Variants in AFAP1L2 observed in about 807,000 individuals in gnomAD.
AFAP1L2 encodes the protein actin filament associated protein 1 like 2.
A neutral mutation model predicts 99.3 loss-of-function variants in AFAP1L2; 46 were observed. That is an observed-to-expected ratio of 0.46 (90% CI 0.37 to 0.59). The LOEUF is 0.59. AFAP1L2 is among the 20% of genes least tolerant of loss of function. The pLI is 0.00. For missense variants in AFAP1L2, 959 were observed against 1,034.9 expected (o/e 0.93, Z 1.01); for synonymous variants, 397 against 419.1 (o/e 0.95, Z 0.64).
At chr10:114,310,921 A>G (rs1327961720) in intron 7 of AFAP1L2, among the ~76,000 whole-genome samples, 2 of 151,314 alleles carry the variant, frequency 1.3e-5, no homozygotes, top group Non-Finnish European at 2.9e-5. Flanking sequence ...CCTTGTTCCA[A>G]CCACCCTCTG....
chr10:114,382,380 T>C (rs2055760711), intron 1 of AFAP1L2, among the ~76,000 whole-genome samples: 1 of 152,072 alleles, frequency 6.6e-6, no homozygotes, highest in Non-Finnish European at 1.5e-5. Context: ...AGGTCCACCC[T>C]CACTTACATG....
chr10:114,302,621 T>G (rs973858145), intron 11 of AFAP1L2, 137 bp from the exon 12 acceptor site: 7 of 1,065,714 alleles, frequency 6.6e-6, no homozygotes, highest in East Asian at 2.5e-5. Flanking sequence ...GGGCTGTGCT[T>G]CTCCTGTTCA....
intron 1 of AFAP1L2, among the ~76,000 whole-genome samples, chr10:114,355,719 C>A (rs1402891876): frequency 1.3e-5 from 2 of 152,070 alleles, no homozygotes; most frequent in African/African-American, 4.8e-5. Flanking sequence ...TACCTGTAAC[C>A]CCAGCACTTT....
Position 114,298,246 on chromosome 10 carries a change from C to T in AFAP1L2, c.2114-833G>A, listed in dbSNP as rs562926942. On this transcript the variant is annotated intron_variant, in intron 16 of 18. Transcript: ENST00000304129. Reference sequence around the variant, plus strand: ...TACAAAAATTAGCTGGACATGGTGGCGGATGCCTGTAATCCCAGCTACTCA... The same window carrying T: ...TACAAAAATTAGCTGGACATGGTGGTGGATGCCTGTAATCCCAGCTACTCA... 9.2e-5 allele frequency among the ~76,000 whole-genome samples: 14 copies of T among 152,128 alleles called. No homozygotes were observed. In the South Asian group the frequency reaches 1.9e-3, roughly 20 times the overall value.
chr10:114,393,511 A>C (rs941542514), intron 1 of AFAP1L2: 1 of 152,142 alleles, frequency 6.6e-6, no homozygotes, highest in Admixed American at 6.5e-5. Flanking sequence ...AAAAATCCAC[A>C]TGCTAAGGGC....
At chr10:114,318,439 A>T (rs150260350) in intron 5 of AFAP1L2, among the ~76,000 whole-genome samples, 1 of 152,162 alleles carries the variant, frequency 6.6e-6, no homozygotes, top group East Asian at 1.9e-4. Flanking sequence ...GAAAGAAAAA[A>T]CATTGAGAAA....
intron 13 of AFAP1L2, among the ~76,000 whole-genome samples, chr10:114,301,052 A>T (rs575396218): frequency 3.9e-5 from 6 of 152,258 alleles, no homozygotes; most frequent in Non-Finnish European, 2.9e-5. Flanking sequence ...TCAACAACCG[A>T]TTTGGACCTG....
At chr10:114,344,239 C>T (rs1053383184) in intron 1 of AFAP1L2, among the ~76,000 whole-genome samples, 1 of 152,172 alleles carries the variant, frequency 6.6e-6, no homozygotes, top group Non-Finnish European at 1.5e-5. Flanking sequence ...CATGAGTTTC[C>T]TGTCGGCCCC....
the AFAP1L2 span, chr10:114,286,633 C>A: frequency 1.3e-6 from 1 of 768,994 alleles, no homozygotes; most frequent in Non-Finnish European, 2.0e-6. Context: ...CACAGCCCCA[C>A]TCTTTCAGGC....
intron 4 of AFAP1L2, among the ~76,000 whole-genome samples, chr10:114,324,064 G>A (rs1042892552): frequency 5.9e-5 from 9 of 152,230 alleles, no homozygotes; most frequent in Non-Finnish European, 1.0e-4. Context: ...AGCACAGAAC[G>A]TGAAATCATT....
rs1194782913 is a variant in AFAP1L2, at chr10:114,302,621, TCTC to T, written c.1285-140_1285-138del. 1.1e-5 allele frequency: 12 copies of T among 1,065,832 alleles called. No individual in the cohort carries two copies. In the East Asian group the frequency reaches 1.8e-4, roughly 16 times the overall value. The allele number at this position is 1,065,832 out of a possible 1,614,324, so 66.0% of individuals were successfully genotyped here. On this transcript the variant is annotated intron_variant, in intron 11 of 18. Transcript: ENST00000304129. Reference sequence around the variant, plus strand: ...CTCTGTAACAGCCCGGGGCTGTGCTTCTCCTGTTCACCAGCCTATCCCACCCCC... The same window carrying T: ...CTCTGTAACAGCCCGGGGCTGTGCTTCTGTTCACCAGCCTATCCCACCCCC...
At chr10:114,292,780 A>C (rs1323606232), downstream of AFAP1L2, among the ~76,000 whole-genome samples, 1 of 152,006 alleles carries the variant, frequency 6.6e-6, no homozygotes, top group Non-Finnish European at 1.5e-5. Context: ...ATCTTGGCTC[A>C]CTGCAACCTT....
intron 1 of AFAP1L2, among the ~76,000 whole-genome samples, chr10:114,368,784 A>G (rs1168421243): frequency 1.4e-5 from 2 of 146,736 alleles, no homozygotes; most frequent in Non-Finnish European, 3.0e-5. Context: ...ACACACACAC[A>G]CACACACACA....
chr10:114,384,063 G>T (rs1201537145), intron 1 of AFAP1L2, among the ~76,000 whole-genome samples: 2 of 152,168 alleles, frequency 1.3e-5, no homozygotes, highest in Non-Finnish European at 2.9e-5. Context: ...AACATGGTCT[G>T]CCCTAAAAGG....
At chr10:114,354,081 A>G (rs557733358) in intron 1 of AFAP1L2, among the ~76,000 whole-genome samples, 1 of 152,286 alleles carries the variant, frequency 6.6e-6, no homozygotes, top group South Asian at 2.1e-4. Flanking sequence ...GCCATCCCGG[A>G]ACCTTCGCGC....
chr10:114,290,157 T>C, downstream of AFAP1L2: 2 of 1,510,234 alleles, frequency 1.3e-6, no homozygotes, highest in Non-Finnish European at 1.8e-6. Context: ...GCCTTGCACC[T>C]CTACTGGGCT....
chr10:114,297,339 G>A lies in AFAP1L2; in HGVS notation c.2188C>T (p.Arg730Cys), dbSNP rs201900085. 9.2e-5 allele frequency: 149 copies of A among 1,613,764 alleles called. No individual in the cohort carries two copies. The highest frequency in any genetic ancestry group is 2.5e-4 in the East Asian group (11 of 44,868). Reference protein sequence around the residue: ...DEECRGEESRRVDLELSIMEV... With the variant: ...DEECRGEESRCVDLELSIMEV... ...ATGATGCTGAGCTCCAGGTCCACGC[G>A]CCTGCTCTCCTCGCCCCGGCACTCC... The change falls in exon 17 of 19, where the codon CGC becomes TGC. Residue 730 changes from arginine to cysteine, a missense_variant. This residue lies in a region of AFAP1L2 where 576 missense variants were observed against 562.1 expected (regional missense o/e 1.02). Transcript: ENST00000304129.
chr10:114,327,722 TA>T (rs1347383951), intron 4 of AFAP1L2, among the ~76,000 whole-genome samples: 2 of 152,254 alleles, frequency 1.3e-5, no homozygotes, highest in African/African-American at 4.8e-5. Flanking sequence ...TGTGTTCTAA[TA>T]AAACACTATT....
intron 2 of AFAP1L2, among the ~76,000 whole-genome samples, chr10:114,336,071 A>G (rs1423592347): frequency 6.6e-6 from 1 of 152,208 alleles, no homozygotes; most frequent in Non-Finnish European, 1.5e-5. Context: ...TAAGATGATG[A>G]TTTGTAAGTT....
Sources: allele counts gnomAD v4.1 joint callset (sites outside exome capture counted in the v4.1 genomes callset), GRCh38; gene constraint gnomAD v4.1.1; regional missense constraint gnomAD v4.1.1; transcripts MANE v1.5; gene names NCBI Gene and HGNC (gene_info 2026-07-23, HGNC 2026-07-21).